The following PPP4R4 variants were observed in gnomAD, a reference collection of about 807,000 sequenced individuals.
PPP4R4 encodes protein phosphatase 4 regulatory subunit 4.
A neutral mutation model predicts 121.8 loss-of-function variants in PPP4R4; 70 were observed. The observed-to-expected ratio is 0.57, with a 90% CI of 0.47 to 0.70. The LOEUF is 0.70. PPP4R4 is among the 30% of genes least tolerant of loss of function. PPP4R4 has a pLI of 0.00. For missense variants in PPP4R4, 875 were observed against 1,033.6 expected (o/e 0.85, Z 2.10); for synonymous variants, 348 against 355.7 (o/e 0.98, Z 0.24).
chr14:94,235,225 G>A (rs1892269775), intron 7 of PPP4R4, among the ~76,000 whole-genome samples: 2 of 152,038 alleles, frequency 1.3e-5, no homozygotes, highest in Admixed American at 1.3e-4. Flanking sequence ...TACATGTTCA[G>A]TAAAGAAGAA....
chr14:94,214,411 G>T (rs28628044), intron 3 of PPP4R4, among the ~76,000 whole-genome samples: 3,810 of 151,988 alleles, frequency 0.025, 170 homozygotes, highest in African/African-American at 0.087. Context: ...AGTCTCAGCT[G>T]CTCAGGAGGC....
intron 23 of PPP4R4, among the ~76,000 whole-genome samples, chr14:94,267,912 TA>T (rs1406459294): frequency 6.6e-6 from 1 of 152,186 alleles, no homozygotes; most frequent in African/African-American, 2.4e-5. Flanking sequence ...GGCTCTTCTG[TA>T]AACTGGTTCA....
At chr14:94,199,422 C>A (rs1160527041) in intron 2 of PPP4R4, among the ~76,000 whole-genome samples, 1 of 152,130 alleles carries the variant, frequency 6.6e-6, no homozygotes, top group Non-Finnish European at 1.5e-5. Context: ...CCCGAAGTCC[C>A]AGTGGGCATG....
chr14:94,203,821 G>T (rs1202525755), intron 2 of PPP4R4, among the ~76,000 whole-genome samples: 2 of 152,064 alleles, frequency 1.3e-5, no homozygotes, highest in Non-Finnish European at 2.9e-5. Context: ...GGGCTTATTT[G>T]CAATCTGTAT....
intron 11 of PPP4R4, among the ~76,000 whole-genome samples, chr14:94,244,037 T>C (rs1002935782): frequency 6.6e-6 from 1 of 151,792 alleles, no homozygotes; most frequent in Non-Finnish European, 1.5e-5. Flanking sequence ...TAAGGTGAAA[T>C]AGAAACTGGT....
At chr14:94,233,806 A>T (rs1187831472) in intron 6 of PPP4R4, 47 bp downstream of exon 6, 1 of 1,139,756 alleles carries the variant, frequency 8.8e-7, no homozygotes, top group Non-Finnish European at 1.3e-6. Flanking sequence ...ACATTCGTTT[A>T]AAATGTATAA....
intron 2 of PPP4R4, among the ~76,000 whole-genome samples, chr14:94,205,214 A>G (rs1339649432): frequency 2.6e-5 from 4 of 152,108 alleles, no homozygotes; most frequent in African/African-American, 4.8e-5. Flanking sequence ...ATATTAATTC[A>G]ATTTCTCTAA....
At chr14:94,262,102 A>AAGTTTGTAT (rs1376320719) in intron 19 of PPP4R4, among the ~76,000 whole-genome samples, 2 of 151,972 alleles carry the variant, frequency 1.3e-5, no homozygotes, top group African/African-American at 4.8e-5. Flanking sequence ...TTTTCTGACC[A>AAGTTTGTAT]AGTTTGTATA....
chr14:94,241,833 A>G lies in PPP4R4; in HGVS notation c.1022A>G (p.Lys341Arg). ...DQHLRFLEFY[K>R]KLCTLGLQQE... ...CACTTGAGATTTTTGGAATTTTATA[A>G]GAAACTTTGTACATTGGGTTTGCAA... Residue 341 changes from lysine to arginine, a missense_variant, in exon 10 of 25, where the codon AAG becomes AGG. Coordinates refer to ENST00000304338, the MANE Select transcript of PPP4R4 (RefSeq NM_058237.2). 3 of 1,600,274 alleles carry G rather than the reference A, an allele frequency of 1.9e-6. No individual in the cohort carries two copies. The highest frequency in any genetic ancestry group is 2.6e-6 in the Non-Finnish European group (3 of 1,176,226).
chr14:94,236,306 A>T (rs1464026519), intron 7 of PPP4R4, among the ~76,000 whole-genome samples: 1 of 152,208 alleles, frequency 6.6e-6, no homozygotes, highest in Non-Finnish European at 1.5e-5. Context: ...TATAGAGATG[A>T]AATTATTTTT....
At chr14:94,177,399 A>G (rs145967044) in intron 2 of PPP4R4, among the ~76,000 whole-genome samples, 23 of 152,274 alleles carry the variant, frequency 1.5e-4, no homozygotes, top group Non-Finnish European at 3.2e-4. Flanking sequence ...CTTTTAACCC[A>G]TTTTCATATT....
At chr14:94,217,740 A>C (rs1056434285) in intron 3 of PPP4R4, among the ~76,000 whole-genome samples, 4 of 152,226 alleles carry the variant, frequency 2.6e-5, no homozygotes, top group African/African-American at 9.6e-5. Flanking sequence ...CACGCCTGTA[A>C]TCCCAGCACT....
At chr14:94,184,445 T>G (rs1337970858) in intron 2 of PPP4R4, among the ~76,000 whole-genome samples, 2 of 151,598 alleles carry the variant, frequency 1.3e-5, no homozygotes, top group African/African-American at 2.4e-5. Flanking sequence ...TTTTGTAGAG[T>G]TAGGGGTCTT....
intron 3 of PPP4R4, among the ~76,000 whole-genome samples, chr14:94,222,021 G>C (rs1302511425): frequency 6.6e-6 from 1 of 151,948 alleles, no homozygotes; most frequent in East Asian, 1.9e-4. Flanking sequence ...ACATATTCTG[G>C]TTATGTGTTG....
intron 15 of PPP4R4, 105 bp downstream of exon 15, chr14:94,250,382 T>C: frequency 1.4e-6 from 1 of 696,252 alleles, no homozygotes; most frequent in South Asian, 1.9e-5. Flanking sequence ...ATTAGGTTAC[T>C]ATTGGGTTTT....
intron 16 of PPP4R4, among the ~76,000 whole-genome samples, chr14:94,255,653 C>T (rs1462875137): frequency 1.3e-5 from 2 of 152,004 alleles, no homozygotes; most frequent in African/African-American, 4.8e-5. Context: ...CCACCTTTTA[C>T]TGCTACCACT....
chr14:94,218,503 C>T (rs1477992917), intron 3 of PPP4R4, among the ~76,000 whole-genome samples: 10 of 96,120 alleles, frequency 1.0e-4, no homozygotes, highest in Non-Finnish European at 1.8e-4. Context: ...AGACACCGCA[C>T]GCGCGCACAC....
At chr14:94,202,158 GGT>G (rs1022017745) in intron 2 of PPP4R4, among the ~76,000 whole-genome samples, 2 of 151,988 alleles carry the variant, frequency 1.3e-5, no homozygotes, top group Non-Finnish European at 2.9e-5. Context: ...CTGGGGAAAG[GGT>G]GTGAGGGGTG....
chr14:94,224,774 A>G (rs1262282192), intron 3 of PPP4R4, among the ~76,000 whole-genome samples: 1 of 152,188 alleles, frequency 6.6e-6, no homozygotes, highest in Non-Finnish European at 1.5e-5. Flanking sequence ...ATAAAAAAGT[A>G]AAATTTATAC....
Sources: allele counts gnomAD v4.1 joint callset (sites outside exome capture counted in the v4.1 genomes callset), GRCh38; gene constraint gnomAD v4.1.1; transcripts MANE v1.5; gene names NCBI Gene and HGNC (gene_info 2026-07-23, HGNC 2026-07-21).